KCNT2: variants seen among roughly 807,000 people sequenced by gnomAD.
The protein encoded by KCNT2 is potassium sodium-activated channel subfamily T member 2, also known as potassium channel subfamily T member 2.
Under a neutral mutation model 153.8 loss-of-function variants are expected in KCNT2, and 67 were observed. The observed-to-expected ratio is 0.44, with a 90% confidence interval of 0.36 to 0.53. The LOEUF (loss-of-function observed/expected upper bound fraction) is 0.53. KCNT2 is among the 20% of genes least tolerant of loss of function. KCNT2 has a pLI of 0.00. For missense variants in KCNT2, 975 were observed against 1,354.8 expected, an observed-to-expected ratio of 0.72 and a Z score of 4.40; for synonymous variants, 500 against 458.8, an observed-to-expected ratio of 1.09 and a Z score of -1.15.
chr1:196,592,573 G>C (rs374318761), intron 1 of KCNT2, among the ~76,000 whole-genome samples: 1 of 145,126 alleles, frequency 6.9e-6, no homozygotes, highest in Admixed American at 6.9e-5. Flanking sequence ...TATAGTTATA[G>C]TTTTATATAG....
chr1:196,397,961 GA>G (rs903026071), intron 13 of KCNT2, among the ~76,000 whole-genome samples: 6 of 148,150 alleles, frequency 4.0e-5, no homozygotes, highest in South Asian at 2.1e-4. Flanking sequence ...AAGCATTTAA[GA>G]AAAAAAAAGC....
At chr1:196,284,240 A>ATAT (rs1659410637) in intron 23 of KCNT2, among the ~76,000 whole-genome samples, 1 of 16,460 alleles carries the variant, frequency 6.1e-5, no homozygotes, top group African/African-American at 7.5e-5. Flanking sequence ...TAAAAAAAAA[A>ATAT]AAAAAAAAAT....
intron 25 of KCNT2, among the ~76,000 whole-genome samples, chr1:196,269,697 T>A (rs1199754370): frequency 2.0e-5 from 3 of 152,104 alleles, no homozygotes; most frequent in Non-Finnish European, 4.4e-5. Context: ...TACCTATTGT[T>A]ATAAAGACAC....
At chr1:196,425,826 G>T in intron 11 of KCNT2, 26 bp downstream of exon 11, 1 of 1,607,938 alleles carries the variant, frequency 6.2e-7, no homozygotes, top group Non-Finnish European at 8.5e-7. Flanking sequence ...ACTGTAAGCT[G>T]CAAGATGAAA....
chr1:196,408,659 T>A (rs1231243682), intron 12 of KCNT2, among the ~76,000 whole-genome samples: 3 of 151,642 alleles, frequency 2.0e-5, no homozygotes, highest in Non-Finnish European at 4.4e-5. Flanking sequence ...CTTATGGATG[T>A]TTTGTTTTAT....
intron 8 of KCNT2, among the ~76,000 whole-genome samples, chr1:196,442,154 G>T (rs180921104): frequency 6.6e-6 from 1 of 151,586 alleles, no homozygotes; most frequent in African/African-American, 2.4e-5. Context: ...GATCACCGAC[G>T]GAAAAGCTAT....
intron 17 of KCNT2, among the ~76,000 whole-genome samples, chr1:196,332,547 T>A (rs557800935): frequency 3.2e-4 from 49 of 152,262 alleles, no homozygotes; most frequent in Non-Finnish European, 5.9e-4. Context: ...TTCTTCTTAG[T>A]TCAACATTAC....
At chr1:196,493,495 A>G (rs1338636529) in intron 1 of KCNT2, among the ~76,000 whole-genome samples, 1 of 152,206 alleles carries the variant, frequency 6.6e-6, no homozygotes, top group East Asian at 1.9e-4. Context: ...TGTTTATTCA[A>G]GGAAAACCAT....
chr1:196,504,504 T>C (rs1213411890), intron 1 of KCNT2, among the ~76,000 whole-genome samples: 1 of 152,150 alleles, frequency 6.6e-6, no homozygotes, highest in African/African-American at 2.4e-5. Flanking sequence ...TTTGGCTTGG[T>C]TCCAAGTCTT....
At chr1:196,520,322 A>G (rs1024652615) in intron 1 of KCNT2, among the ~76,000 whole-genome samples, 2 of 152,064 alleles carry the variant, frequency 1.3e-5, no homozygotes, top group Non-Finnish European at 2.9e-5. Context: ...AATAAGAGCT[A>G]TATATGACAA....
At chr1:196,474,126 A>C (rs751988886) in intron 5 of KCNT2, among the ~76,000 whole-genome samples, 1 of 152,130 alleles carries the variant, frequency 6.6e-6, no homozygotes. Context: ...TTTAACCAAT[A>C]ATAATGCAGA....
intron 8 of KCNT2, among the ~76,000 whole-genome samples, chr1:196,463,659 GA>G: frequency 6.6e-6 from 1 of 151,586 alleles, no homozygotes; most frequent in South Asian, 2.1e-4. Flanking sequence ...ATAAAACAAT[GA>G]AATAGAAATA....
intron 26 of KCNT2, among the ~76,000 whole-genome samples, chr1:196,256,672 C>G (rs944714710): frequency 1.3e-5 from 2 of 150,596 alleles, no homozygotes; most frequent in African/African-American, 4.9e-5. Flanking sequence ...GCACCATTTT[C>G]CTCAAGTTTG....
At chr1:196,550,066 T>A (rs1044422405) in intron 1 of KCNT2, among the ~76,000 whole-genome samples, 1 of 151,914 alleles carries the variant, frequency 6.6e-6, no homozygotes, top group Non-Finnish European at 1.5e-5. Context: ...TTTACCAAAC[T>A]TCTGATACAC....
intron 8 of KCNT2, among the ~76,000 whole-genome samples, chr1:196,452,166 C>T (rs1354058116): frequency 6.6e-6 from 1 of 151,932 alleles, no homozygotes; most frequent in African/African-American, 2.4e-5. Flanking sequence ...GTCATGCCTT[C>T]TATCTGCAAG....
chr1:196,342,446 A>G (rs1025744581), intron 14 of KCNT2, among the ~76,000 whole-genome samples: 111 of 134,792 alleles, frequency 8.2e-4, no homozygotes, highest in Non-Finnish European at 1.2e-3. Flanking sequence ...ATATATATAT[A>G]TGTATATATA....
intron 1 of KCNT2, among the ~76,000 whole-genome samples, chr1:196,500,162 G>C (rs1333623486): frequency 6.8e-6 from 1 of 146,316 alleles, no homozygotes; most frequent in Non-Finnish European, 1.5e-5. Flanking sequence ...GAGGAAAGAA[G>C]GAATAAAGGA....
rs955585148 is a variant in KCNT2 at position 196,306,591 on chromosome 1, A to G, written c.2484-1246T>C. ...GAGTGTGCCCACCCTACTGCTCTGC[A>G]GCAAGCAGGGCCTTTCTTAGCCTTC... On this transcript the variant is annotated intron_variant, in intron 21 of 27. Transcript: ENST00000294725. Among the ~76,000 whole-genome samples, 3 of 152,228 alleles carry G rather than the reference A, an allele frequency of 2.0e-5. No homozygotes were observed. In the South Asian group the frequency reaches 6.2e-4, roughly 32 times the overall value.
At chr1:196,385,778 T>A (rs375639021) in intron 13 of KCNT2, among the ~76,000 whole-genome samples, 6,538 of 129,110 alleles carry the variant, frequency 0.051, 181 homozygotes, top group Middle Eastern at 0.075. Context: ...AAAAAATATA[T>A]ATATATATAT....
Sources: allele counts gnomAD v4.1 joint callset (sites outside exome capture counted in the v4.1 genomes callset), GRCh38; gene constraint gnomAD v4.1.1; transcripts MANE v1.5; gene names NCBI Gene and HGNC (gene_info 2026-07-23, HGNC 2026-07-21).